CSNK1G1: variants seen among roughly 807,000 people sequenced by gnomAD.
CSNK1G1 encodes casein kinase 1 gamma 1.
CSNK1G1 carries 22 observed loss-of-function variants against 59.6 expected under a neutral mutation model. The ratio of observed to expected loss-of-function variants is 0.37; its 90% CI spans 0.26 to 0.53. The LOEUF (loss-of-function observed/expected upper bound fraction) is 0.53, where lower values mean the gene tolerates loss of function less well. Among genes scored for constraint, CSNK1G1 ranks in the 20% least tolerant of loss-of-function variants. The pLI is 0.89. For missense variants in CSNK1G1, 384 were observed against 519.5 expected, an observed-to-expected ratio of 0.74 and a Z score of 2.54; for synonymous variants, 179 against 177.1, an observed-to-expected ratio of 1.01 and a Z score of -0.08.
chr15:64,316,453 T>C (rs1001659082), intron 1 of CSNK1G1, among the ~76,000 whole-genome samples: 1 of 139,502 alleles, frequency 7.2e-6, no homozygotes, highest in East Asian at 2.1e-4. Flanking sequence ...GGAGAATCAA[T>C]GGAACTCAGG....
chr15:64,331,307 T>C (rs1382779005), intron 1 of CSNK1G1, among the ~76,000 whole-genome samples: 1 of 139,928 alleles, frequency 7.1e-6, no homozygotes, highest in Non-Finnish European at 1.5e-5. Context: ...CAAAACAGCA[T>C]GGTACTAGTA....
chr15:64,248,360 G>C (rs1268102625), intron 4 of CSNK1G1, among the ~76,000 whole-genome samples: 3 of 152,032 alleles, frequency 2.0e-5, no homozygotes, highest in Admixed American at 1.3e-4. Context: ...CCATCACAAG[G>C]AATATTTTTA....
At chr15:64,270,463 C>T (rs923472431) in intron 2 of CSNK1G1, among the ~76,000 whole-genome samples, 1 of 151,908 alleles carries the variant, frequency 6.6e-6, no homozygotes, top group Non-Finnish European at 1.5e-5. Context: ...TCCCTATTAA[C>T]ACTATCTGAG....
intron 4 of CSNK1G1, among the ~76,000 whole-genome samples, chr15:64,248,820 T>TA (rs1437248058): frequency 1.4e-5 from 2 of 146,306 alleles, no homozygotes; most frequent in Non-Finnish European, 3.0e-5. Context: ...CCGTCTCTAC[T>TA]AAAAAAATAC....
chr15:64,202,510 T>C (rs894611056), intron 10 of CSNK1G1, among the ~76,000 whole-genome samples: 10 of 150,290 alleles, frequency 6.7e-5, no homozygotes, highest in African/African-American at 2.4e-4. Context: ...TATAGCTAGT[T>C]CCCCCCAACA....
chr15:64,338,717 A>AG (rs1463810160), intron 1 of CSNK1G1, among the ~76,000 whole-genome samples: 6 of 136,096 alleles, frequency 4.4e-5, no homozygotes, highest in South Asian at 2.4e-4. Context: ...AAAAAAAAAA[A>AG]AAAAAAAAAA....
chr15:64,178,355 T>G (rs1420172607), intron 11 of CSNK1G1, among the ~76,000 whole-genome samples: 1 of 152,010 alleles, frequency 6.6e-6, no homozygotes, highest in South Asian at 2.1e-4. Context: ...TTATACAAGC[T>G]GGGAGAAGAG....
At chr15:64,246,078 G>A (rs1422495666) in intron 4 of CSNK1G1, among the ~76,000 whole-genome samples, 1 of 152,154 alleles carries the variant, frequency 6.6e-6, no homozygotes, top group African/African-American at 2.4e-5. Context: ...AAAATAGCCA[G>A]AAGAGTAGAT....
chr15:64,218,402 T>A (rs533668669), intron 4 of CSNK1G1, among the ~76,000 whole-genome samples: 1 of 152,260 alleles, frequency 6.6e-6, no homozygotes, highest in East Asian at 1.9e-4. Flanking sequence ...AACAACTTTT[T>A]TTTTTTTTTA....
chr15:64,231,509 T>C (rs2082549200), intron 4 of CSNK1G1, among the ~76,000 whole-genome samples: 1 of 151,162 alleles, frequency 6.6e-6, no homozygotes, highest in Non-Finnish European at 1.5e-5. Flanking sequence ...ACTGTATCCC[T>C]AAGACTTAGC....
chr15:64,246,835 G>C (rs1205173840), intron 4 of CSNK1G1, among the ~76,000 whole-genome samples: 1 of 151,954 alleles, frequency 6.6e-6, no homozygotes, highest in Non-Finnish European at 1.5e-5. Flanking sequence ...CTATTATCCT[G>C]CCGTTTACCT....
chr15:64,209,098 G>A (rs1233811915), intron 6 of CSNK1G1, among the ~76,000 whole-genome samples: 1 of 151,978 alleles, frequency 6.6e-6, no homozygotes, highest in Non-Finnish European at 1.5e-5. Flanking sequence ...TGTTTCCCAG[G>A]CTGGTCTTGA....
At chr15:64,228,430 G>A (rs1596126259) in intron 4 of CSNK1G1, among the ~76,000 whole-genome samples, 1 of 151,404 alleles carries the variant, frequency 6.6e-6, no homozygotes, top group Non-Finnish European at 1.5e-5. Context: ...GGTGGATCAC[G>A]AGGTCAGGAG....
At chr15:64,253,789 T>C (rs1413836161) in intron 3 of CSNK1G1, among the ~76,000 whole-genome samples, 2 of 152,208 alleles carry the variant, frequency 1.3e-5, no homozygotes, top group Non-Finnish European at 2.9e-5. Context: ...GAGGACATCA[T>C]GCTCAGTGAA....
intron 2 of CSNK1G1, among the ~76,000 whole-genome samples, chr15:64,281,513 T>G (rs910630589): frequency 2.6e-5 from 4 of 152,108 alleles, no homozygotes; most frequent in Non-Finnish European, 5.9e-5. Context: ...AGGAGTTGTT[T>G]AATGAGCATA....
chr15:64,295,106 T>C (rs942159391), intron 2 of CSNK1G1, among the ~76,000 whole-genome samples: 4 of 152,130 alleles, frequency 2.6e-5, no homozygotes, highest in African/African-American at 9.7e-5. Context: ...AGCCTAACTT[T>C]CTAAGTCTCA....
chr15:64,334,723 G>A (rs950207425), intron 1 of CSNK1G1, among the ~76,000 whole-genome samples: 7 of 152,178 alleles, frequency 4.6e-5, no homozygotes, highest in South Asian at 2.1e-4. Flanking sequence ...GGTGGCGCTC[G>A]GGCAGTAATG....
At chr15:64,261,079 T>C (rs1413800072) in intron 2 of CSNK1G1, among the ~76,000 whole-genome samples, 1 of 152,186 alleles carries the variant, frequency 6.6e-6, no homozygotes, top group African/African-American at 2.4e-5. Context: ...TTTATGTTTC[T>C]TATTAATGTT....
rs1165768581 is a variant in CSNK1G1 at position 64,352,447 on chromosome 15, C to CTTTTTTT, written c.-225+3534_-225+3540dup. Among the ~76,000 whole-genome samples the CTTTTTTT allele has an allele frequency of 8.5e-4, 76 of 89,412 alleles. 4 individuals are homozygous for CTTTTTTT. Among genetic ancestry groups the CTTTTTTT allele is most frequent in the Admixed American group, 1.5e-3 (10 of 6,684 alleles). The allele number at this position is 89,412 out of a possible 152,430, so 58.7% of individuals were successfully genotyped here. On this transcript the variant is annotated intron_variant, in intron 1 of 11. Transcript: ENST00000303052. ...ATCACAAAACATAATTTGAATTCTT[C>CTTTTTTT]TTTTTTTTTTTTTTTTTTTGAGATG... is the stretch of plus-strand genomic sequence containing the variant.
Sources: gnomAD v4.1 joint callset for allele counts (sites outside exome capture counted in the v4.1 genomes callset) on GRCh38, gnomAD v4.1.1 for gene constraint, MANE v1.5 for transcripts, NCBI Gene and HGNC (gene_info 2026-07-23, HGNC 2026-07-21) for gene names.